Variants in PALLD observed in about 807,000 individuals in gnomAD.
The protein encoded by PALLD is palladin, cytoskeletal associated protein.
Under a neutral mutation model 123.5 loss-of-function variants are expected in PALLD, and 61 were observed. That is an observed-to-expected ratio of 0.49 (90% CI 0.40 to 0.61). The LOEUF (loss-of-function observed/expected upper bound fraction) is 0.61, where lower values mean the gene tolerates loss of function less well. PALLD is among the 20% of genes least tolerant of loss of function. The probability of loss-of-function intolerance (pLI) is 0.00; values close to 1 mark genes in which losing one functional copy is unlikely to be tolerated. For missense variants in PALLD, 1,273 were observed against 1,377.0 expected, an observed-to-expected ratio of 0.92 and a Z score of 1.20; for synonymous variants, 465 against 496.4, an observed-to-expected ratio of 0.94 and a Z score of 0.84.
chr4:168,642,222 A>G (rs1580726095), intron 2 of PALLD, among the ~76,000 whole-genome samples: 1 of 152,280 alleles, frequency 6.6e-6, no homozygotes, highest in East Asian at 1.9e-4. Flanking sequence ...TTATCAAGGA[A>G]CAAGTAGATT....
chr4:168,923,795 A>C (rs575968706), intron 18 of PALLD, among the ~76,000 whole-genome samples: 1 of 152,340 alleles, frequency 6.6e-6, no homozygotes, highest in Non-Finnish European at 1.5e-5. Flanking sequence ...AGTTACAAAT[A>C]TTCAGAATAT....
At chr4:168,820,953 G>A (rs1044993990) in intron 10 of PALLD, among the ~76,000 whole-genome samples, 4 of 152,152 alleles carry the variant, frequency 2.6e-5, no homozygotes, top group African/African-American at 7.2e-5. Flanking sequence ...AGTGAGGATC[G>A]CAATAAGAGT....
chr4:168,649,336 A>G (rs1240549307), intron 2 of PALLD, among the ~76,000 whole-genome samples: 2 of 152,212 alleles, frequency 1.3e-5, no homozygotes, highest in African/African-American at 4.8e-5. Context: ...GTTTTCTTTA[A>G]TCAGATTCAA....
At chr4:168,539,209 T>C (rs1765371779) in intron 2 of PALLD, among the ~76,000 whole-genome samples, 1 of 152,166 alleles carries the variant, frequency 6.6e-6, no homozygotes, top group African/African-American at 2.4e-5. Context: ...TAAGTAACTT[T>C]TCCATAATTT....
At chr4:168,607,150 G>A (rs1224512462) in intron 2 of PALLD, among the ~76,000 whole-genome samples, 1 of 152,100 alleles carries the variant, frequency 6.6e-6, no homozygotes, top group Non-Finnish European at 1.5e-5. Flanking sequence ...GAAAAGGTAT[G>A]ATATGAATGG....
chr4:168,697,620 G>A (rs1783261252), intron 8 of PALLD, among the ~76,000 whole-genome samples: 1 of 152,172 alleles, frequency 6.6e-6, no homozygotes, highest in Non-Finnish European at 1.5e-5. Context: ...GATCAGCTGG[G>A]AACACTCATC....
At chr4:168,516,775 A>C (rs1763025716) in intron 2 of PALLD, among the ~76,000 whole-genome samples, 1 of 152,208 alleles carries the variant, frequency 6.6e-6, no homozygotes, top group African/African-American at 2.4e-5. Flanking sequence ...CCACCTTTAA[A>C]AATCTACGCT....
chr4:168,640,264 G>A (rs1306417943), intron 2 of PALLD, among the ~76,000 whole-genome samples: 1 of 152,164 alleles, frequency 6.6e-6, no homozygotes, highest in African/African-American at 2.4e-5. Context: ...TTCCGATTGA[G>A]CTTTTTTCCC....
chr4:168,612,360 AC>A (rs1409856686), intron 2 of PALLD, among the ~76,000 whole-genome samples: 9 of 152,000 alleles, frequency 5.9e-5, no homozygotes, highest in African/African-American at 2.2e-4. Context: ...TCCACCCCCA[AC>A]CCAGGATTTC....
intron 2 of PALLD, among the ~76,000 whole-genome samples, chr4:168,620,252 C>G (rs1482185179): frequency 6.6e-6 from 1 of 152,116 alleles, no homozygotes; most frequent in African/African-American, 2.4e-5. Context: ...GTCAGGAGTT[C>G]GAGACCAGCC....
chr4:168,911,050 T>C (rs6843011), intron 15 of PALLD, among the ~76,000 whole-genome samples: 79,823 of 152,140 alleles, frequency 0.52, 24,433 homozygotes, highest in East Asian at 0.88. Flanking sequence ...AATGATAATT[T>C]ATGATGTCAC....
At chr4:168,898,271 CCT>C (rs1410572257) in intron 13 of PALLD, 2 of 576,634 alleles carry the variant, frequency 3.5e-6, no homozygotes, top group Non-Finnish European at 6.2e-6. Flanking sequence ...TTCCTACCCC[CCT>C]CTTTTTGGAT....
intron 2 of PALLD, among the ~76,000 whole-genome samples, chr4:168,651,984 A>G (rs965354657): frequency 2.0e-5 from 3 of 152,040 alleles, no homozygotes; most frequent in Non-Finnish European, 2.9e-5. Flanking sequence ...TTGGCTTCTC[A>G]ACACTGAGCA....
intron 10 of PALLD, among the ~76,000 whole-genome samples, chr4:168,733,830 G>T (rs547817628): frequency 6.6e-6 from 1 of 152,156 alleles, no homozygotes; most frequent in African/African-American, 2.4e-5. Context: ...CGCCTCCCAG[G>T]TTCATGCCAT....
rs1026994564 is a variant in PALLD, at chr4:168,877,812, C to T, written c.1965-13110C>T. 33 of 1,254,566 alleles carry T rather than the reference C, an allele frequency of 2.6e-5. No homozygotes were observed. The African/African-American group carries it at 4.3e-4, about 16-fold the overall frequency. The allele number at this position is 1,254,566 out of a possible 1,614,324, so 77.7% of individuals were successfully genotyped here. ...CAGCCTCCGCCAGCCCCGCGCAGCG[C>T]GCCGCCCTCGCCCCCCTTCCCGCCG... On this transcript the variant is annotated intron_variant, in intron 10 of 21. Transcript: ENST00000505667.
At chr4:168,922,469 C>G (rs7699067) in intron 18 of PALLD, among the ~76,000 whole-genome samples, 188 of 152,282 alleles carry the variant, frequency 1.2e-3, no homozygotes, top group African/African-American at 4.1e-3. Flanking sequence ...CAGAGCAAAT[C>G]TTCTCTGAAT....
Position 168,924,417 on chromosome 4 carries a change from T to G in PALLD, c.3221T>G (p.Val1074Gly), listed in dbSNP as rs1356716314. ...TCACTCACTCACAGCACTGACCGAGTGAGGTAAGACTGCACAATGAGAACC... is the reference window on the plus strand; with the variant it reads ...TCACTCACTCACAGCACTGACCGAGGGAGGTAAGACTGCACAATGAGAACC... ...NESLTHSTDR[V>G]SMHQDNHGYI... Residue 1074 changes from valine to glycine, a missense_variant, in exon 19 of 22, where the codon GTG (valine) becomes GGG (glycine). This residue lies in a region of PALLD where 329 missense variants were observed against 422.5 expected (regional missense o/e 0.78). Coordinates refer to ENST00000505667, the MANE Select transcript of PALLD (RefSeq NM_001166108.2). The G allele has an allele frequency of 3.7e-6, 6 of 1,613,554 alleles. No homozygotes were observed. The highest frequency in any genetic ancestry group is 5.1e-6 in the Non-Finnish European group (6 of 1,179,596).
chr4:168,695,304 G>A (rs539231249), intron 8 of PALLD, among the ~76,000 whole-genome samples: 15 of 152,322 alleles, frequency 9.8e-5, no homozygotes, highest in African/African-American at 3.6e-4. Flanking sequence ...TAGATTGTAT[G>A]CAGTAAAAAC....
At chr4:168,839,692 GA>G (rs1015423948) in intron 10 of PALLD, among the ~76,000 whole-genome samples, 1 of 152,128 alleles carries the variant, frequency 6.6e-6, no homozygotes, top group Non-Finnish European at 1.5e-5. Flanking sequence ...GTAAGGACAA[GA>G]GTTTAGTTTT....
Sources: gnomAD v4.1 joint callset for allele counts (sites outside exome capture counted in the v4.1 genomes callset) on GRCh38, gnomAD v4.1.1 for gene constraint, gnomAD v4.1.1 regional missense constraint, MANE v1.5 for transcripts, NCBI Gene and HGNC (gene_info 2026-07-23, HGNC 2026-07-21) for gene names.